Variants in CLCNKB observed in about 807,000 individuals in gnomAD.
The protein encoded by CLCNKB is chloride channel protein ClC-Kb.
A neutral mutation model predicts 83.8 loss-of-function variants in CLCNKB; 74 were observed. The ratio of observed to expected loss-of-function variants is 0.88; its 90% confidence interval spans 0.73 to 1.07. CLCNKB has a LOEUF of 1.07. Among genes scored for constraint, CLCNKB ranks in the 50% least tolerant of loss-of-function variants. The pLI, the probability that CLCNKB is intolerant of heterozygous loss-of-function variation, is 0.00. For synonymous variants in CLCNKB, 358 were observed against 356.6 expected, an observed-to-expected ratio of 1.00 and a Z score of -0.04; for missense variants, 798 against 893.6, an observed-to-expected ratio of 0.89 and a Z score of 1.36.
In CLCNKB at chr1:16,052,407, ATCGGGTGAGTGGTGCCCACC is replaced by A. The variant is rs1394947185; in HGVS notation, c.1621_1622+18del. On this transcript the variant is annotated splice_donor_variant and splice_donor_5th_base_variant and coding_sequence_variant and intron_variant, in exon 15 of 20. Coordinates refer to ENST00000375679, the MANE Select transcript of CLCNKB (RefSeq NM_000085.5). LOFTEE classifies it high-confidence loss of function. ...CCTGCCACGGATTCTGGGCCGCAAC[ATCGGGTGAGTGGTGCCCACC>A]TCAGGCTGACTGAAGGGGGTCACAG... 6.2e-7 allele frequency: 1 copy of A among 1,613,352 alleles called. No individual in the cohort carries two copies. Among genetic ancestry groups the A allele is most frequent in the Non-Finnish European group, 8.5e-7 (1 of 1,180,040 alleles).
rs192046474 is a variant in CLCNKB at position 16,045,761 on chromosome 1, G to A, written c.229+75G>A. On this transcript the variant is annotated intron_variant, in intron 3 of 19. Coordinates refer to ENST00000375679, the MANE Select transcript of CLCNKB (RefSeq NM_000085.5). The stretch of plus-strand genomic sequence containing the variant: ...TCTCTGGGGATGCCAGGTGGATGTC[G>A]CCAGGTGCAGCGGAGGTTGGGGGGG... 3.4e-3 allele frequency: 3,081 copies of A among 914,278 alleles called. 15 individuals carry two copies. Among genetic ancestry groups the A allele is most frequent in the Middle Eastern group, 0.01 (42 of 4,096 alleles). 56.6% of individuals were successfully genotyped at this position (914,278 alleles called of 1,614,324 possible).
intron 15 of CLCNKB, 55 bp downstream of exon 15, chr1:16,052,466 C>G (rs1396535241): frequency 6.2e-7 from 1 of 1,609,768 alleles, no homozygotes; most frequent in Non-Finnish European, 8.5e-7. Context: ...TTGGGAAGGG[C>G]TGGGGTGAAG....
intron 16 of CLCNKB, among the ~76,000 whole-genome samples, chr1:16,054,256 A>C (rs1301426131): frequency 1.3e-5 from 2 of 152,202 alleles, no homozygotes; most frequent in African/African-American, 4.8e-5. Flanking sequence ...CAGTATCTGC[A>C]TTTAGAAGAT....
In CLCNKB at chr1:16,044,480, C is replaced by T; in HGVS notation, c.-7-6C>T. ...CCGCGGTCCCTCCCTCTATCCGCTT[C>T]TCCAGGGGCCTGATGGAGGAGTTTG... is the stretch of plus-strand genomic sequence containing the variant. On this transcript the variant is annotated splice_polypyrimidine_tract_variant and splice_region_variant and intron_variant, in intron 1 of 19. Transcript: ENST00000375679. 1 of 1,593,704 alleles carries T rather than the reference C, an allele frequency of 6.3e-7. No individual in the cohort carries two copies. Among genetic ancestry groups the T allele is most frequent in the Admixed American group, 1.8e-5 (1 of 55,726 alleles).
intron 10 of CLCNKB, 107 bp downstream of exon 10, chr1:16,050,023 TCCTA>T (rs2023238371): frequency 1.2e-4 from 81 of 668,778 alleles, no homozygotes; most frequent in Non-Finnish European, 1.4e-4. Flanking sequence ...CTAAAGCCCA[TCCTA>T]GCCCATGCCC....
Position 16,053,778 on chromosome 1 carries a change from C to T in CLCNKB, c.1756+6C>T, listed in dbSNP as rs374235008. On this transcript the variant is annotated splice_donor_region_variant and intron_variant, in intron 16 of 19. Transcript: ENST00000375679. Reference sequence around the variant, plus strand: ...TCCCCTGGTGGAGAGCACAGGTGCCCAGCCGGAAGGGAGGAGGAAGTCGGG... The same window carrying T: ...TCCCCTGGTGGAGAGCACAGGTGCCTAGCCGGAAGGGAGGAGGAAGTCGGG... 1 of 1,613,626 alleles carries T rather than the reference C, an allele frequency of 6.2e-7. No homozygotes were observed. Among genetic ancestry groups the T allele is most frequent in the Non-Finnish European group, 8.5e-7 (1 of 1,179,952 alleles).
At chr1:16,046,378 G>T (rs1188821042) in intron 3 of CLCNKB, among the ~76,000 whole-genome samples, 157 bp from the exon 4 acceptor site, 5 of 152,100 alleles carry the variant, frequency 3.3e-5, no homozygotes, top group Admixed American at 1.3e-4. Context: ...ACCCAGGGTC[G>T]TACTCCTGCC....
At position 16,045,683 on chromosome 1, in the gene CLCNKB, C is replaced by A. The variant is rs370985865; in HGVS notation, c.226C>A (p.Arg76=). ...AMDLAVESVV[R]AHQWLYREIG... is the part of the protein sequence containing the mutation. Reference sequence around the variant, plus strand: ...GGACTTGGCTGTTGAGAGTGTGGTCCGAGGTAACCCCTCCATGGCAGGTGC... The same window carrying A: ...GGACTTGGCTGTTGAGAGTGTGGTCAGAGGTAACCCCTCCATGGCAGGTGC... The change falls in exon 3 of 20, where the codon CGA becomes AGA. Residue 76 remains arginine (R), a synonymous_variant. Coordinates refer to ENST00000375679, the MANE Select transcript of CLCNKB (RefSeq NM_000085.5). 8 of 1,612,302 alleles carry A rather than the reference C, an allele frequency of 5.0e-6. No individual in the cohort carries two copies. The highest frequency in any genetic ancestry group is 2.7e-5 in the African/African-American group (2 of 74,860).
At position 16,045,788 on chromosome 1, in the gene CLCNKB, T is replaced by G. The variant is rs6604911; in HGVS notation, c.229+102T>G. ...CAGGTGCAGCGGAGGTTGGGGGGGG[T>G]GCTCTGGGTGGGGATCTGGTCCTGG... On this transcript the variant is annotated intron_variant, in intron 3 of 19. Transcript: ENST00000375679. 255,711 of 435,638 alleles carry G rather than the reference T, an allele frequency of 0.59. 51,067 individuals carry two copies. Among genetic ancestry groups the G allele is most frequent in the Admixed American group, 0.68 (26,147 of 38,628 alleles). The allele number at this position is 435,638 out of a possible 1,614,324, so 27.0% of individuals were successfully genotyped here.
Position 16,044,492 on chromosome 1 carries a change from G to C in CLCNKB, c.-1G>C. On this transcript the variant is annotated 5_prime_UTR_variant, in exon 2 of 20. Coordinates refer to ENST00000375679, the MANE Select transcript of CLCNKB (RefSeq NM_000085.5). ...CCTCTATCCGCTTCTCCAGGGGCCT[G>C]ATGGAGGAGTTTGTGGGGCTGCGTG... 3 of 1,600,198 alleles carry C rather than the reference G, an allele frequency of 1.9e-6. No individual in the cohort carries two copies. Among genetic ancestry groups the C allele is most frequent in the Non-Finnish European group, 2.6e-6 (3 of 1,174,332 alleles).
Position 16,056,646 on chromosome 1 carries a change from T to A in CLCNKB, c.2016+138T>A, listed in dbSNP as rs192892382. 274 of 1,104,504 alleles carry A rather than the reference T, an allele frequency of 2.5e-4. 3 individuals are homozygous for A. The African/African-American group carries it at 3.9e-3, about 16-fold the overall frequency. 68.4% of individuals were successfully genotyped at this position (1,104,504 alleles called of 1,614,324 possible). ...GATTCAGAGGATACTGATGAGTCCC[T>A]CTTCTTGGCCCAGATTGGCCACTGG... On this transcript the variant is annotated intron_variant, in intron 19 of 19. Coordinates refer to ENST00000375679, the MANE Select transcript of CLCNKB (RefSeq NM_000085.5).
At position 16,052,678 on chromosome 1, in the gene CLCNKB, C is replaced by T. The variant is rs67308376; in HGVS notation, c.1622+267C>T. Among the ~76,000 whole-genome samples the T allele has an allele frequency of 0.14, 21,036 of 152,118 alleles. 1,870 individuals carry two copies. Among genetic ancestry groups the T allele is most frequent in the African/African-American group, 0.24 (9,842 of 41,434 alleles). ...TGCCCCGTGTACAGATTGAGGAAAC[C>T]GGGGCTCAGAGAGGTGCCGTGTCTT... On this transcript the variant is annotated intron_variant, in intron 15 of 19. Coordinates refer to ENST00000375679, the MANE Select transcript of CLCNKB (RefSeq NM_000085.5).
In CLCNKB at chr1:16,052,300, C is replaced by T. The variant is rs371971275; in HGVS notation, c.1511C>T (p.Ala504Val). Residue 504 changes from alanine to valine, a missense_variant, in exon 15 of 20, where the codon GCG (alanine) becomes GTG (valine). Transcript: ENST00000375679. ...QIVHALPVLM[A>V]VLAANAIAQS... The stretch of plus-strand genomic sequence containing the variant: ...GTGCATGCACTGCCCGTGCTGATGG[C>T]GGTGCTGGCAGCCAACGCCATTGCA... The T allele has an allele frequency of 9.6e-5, 155 of 1,613,068 alleles. No homozygotes were observed. Among genetic ancestry groups the T allele is most frequent in the Admixed American group, 1.7e-4 (10 of 60,014 alleles).
In CLCNKB at chr1:16,055,481, G is replaced by C. The variant is rs1320850683; in HGVS notation, c.1803G>C (p.Gln601His). The C allele has an allele frequency of 6.2e-7, 1 of 1,613,324 alleles. No homozygotes were observed. Among genetic ancestry groups the C allele is most frequent in the Non-Finnish European group, 8.5e-7 (1 of 1,179,968 alleles). The part of the protein sequence containing the change: ...VGIVRRAQLV[Q>H]ALKAEPPSWA... ...TAGTGCGAAGGGCCCAGCTGGTGCA[G>C]GCCCTGAAGGCTGAGCCTCCTTCCT... The change falls in exon 17 of 20, where the codon CAG becomes CAC. Residue 601 changes from glutamine to histidine, a missense_variant. Physicochemically the swap from Gln to His is conservative, Grantham distance 24 (BLOSUM62 0). Transcript: ENST00000375679.
intron 15 of CLCNKB, 99 bp downstream of exon 15, chr1:16,052,510 C>T (rs557834124): frequency 5.5e-4 from 731 of 1,319,922 alleles, no homozygotes; most frequent in Admixed American, 7.0e-4. Flanking sequence ...CCGTAGCTGA[C>T]CTCGGACATG....
chr1:16,047,813 G>A (rs958797059), intron 4 of CLCNKB, 92 bp from the exon 5 acceptor site: 5 of 1,416,576 alleles, frequency 3.5e-6, no homozygotes, highest in Admixed American at 1.7e-5. Context: ...CTGATCTGGC[G>A]AGATCGTAAT....
At chr1:16,047,536 G>A (rs2023136956) in intron 4 of CLCNKB, among the ~76,000 whole-genome samples, 1 of 152,152 alleles carries the variant, frequency 6.6e-6, no homozygotes, top group South Asian at 2.1e-4. Flanking sequence ...AGCACTTTGG[G>A]AGGCGGAAGT....
At position 16,055,776 on chromosome 1, in the gene CLCNKB, G is replaced by A. The variant is rs1570345585; in HGVS notation, c.1929+18G>A. Reference sequence around the variant, plus strand: ...TGCATGAGGTAACGGGGAGAACTGGGGAGTGTGACACATGAGGCCTCTGGG... The same window carrying A: ...TGCATGAGGTAACGGGGAGAACTGGAGAGTGTGACACATGAGGCCTCTGGG... On this transcript the variant is annotated intron_variant, in intron 18 of 19. Transcript: ENST00000375679. 4 of 1,610,972 alleles carry A rather than the reference G, an allele frequency of 2.5e-6. No individual in the cohort carries two copies. The highest frequency in any genetic ancestry group is 2.2e-5 in the East Asian group (1 of 44,872).
chr1:16,054,164 C>T (rs1031986207), intron 16 of CLCNKB, among the ~76,000 whole-genome samples: 5 of 152,206 alleles, frequency 3.3e-5, no homozygotes, highest in Admixed American at 2.0e-4. Context: ...GAGACAAAAG[C>T]ATGGTGGCTC....
Sources: gnomAD v4.1 joint callset for allele counts (sites outside exome capture counted in the v4.1 genomes callset) on GRCh38, gnomAD v4.1.1 for gene constraint, MANE v1.5 for transcripts, NCBI Gene and HGNC (gene_info 2026-07-23, HGNC 2026-07-21) for gene names.